The following EXT1 variants were observed in gnomAD, a reference collection of about 807,000 sequenced individuals.
EXT1 encodes exostosin-1.
Under a neutral mutation model 82.5 loss-of-function variants are expected in EXT1, and 20 were observed. That is an observed-to-expected ratio of 0.24 (90% confidence interval 0.17 to 0.35). The LOEUF (loss-of-function observed/expected upper bound fraction) is 0.35, where lower values mean the gene tolerates loss of function less well. EXT1 is among the 10% of genes least tolerant of loss of function. The pLI, the probability that EXT1 is intolerant of heterozygous loss-of-function variation, is 1.00. For synonymous variants in EXT1, 348 were observed against 350.8 expected (o/e 0.99, Z 0.09); for missense variants, 757 against 936.5 (o/e 0.81, Z 2.50).
At chr8:118,108,467 TGTC>T (rs1218670027) in intron 1 of EXT1, among the ~76,000 whole-genome samples, 1 of 152,214 alleles carries the variant, frequency 6.6e-6, no homozygotes, top group Non-Finnish European at 1.5e-5. Flanking sequence ...TCAATGTAAA[TGTC>T]GTATAAACAA....
chr8:118,018,719 T>C (rs1816047751), intron 1 of EXT1, among the ~76,000 whole-genome samples: 2 of 152,170 alleles, frequency 1.3e-5, no homozygotes, highest in Admixed American at 6.5e-5. Flanking sequence ...GGATGTTTGA[T>C]TTACAACAGT....
chr8:117,822,334 G>C (rs1811937894), intron 5 of EXT1, 131 bp downstream of exon 5: 1 of 1,023,148 alleles, frequency 9.8e-7, no homozygotes. Flanking sequence ...CTTATAACAA[G>C]GCTCTAGAAA....
At chr8:117,883,742 T>G (rs985565607) in intron 1 of EXT1, among the ~76,000 whole-genome samples, 4 of 152,236 alleles carry the variant, frequency 2.6e-5, no homozygotes, top group Admixed American at 6.5e-5. Flanking sequence ...TAGGGAACTA[T>G]GCAAGCAGCT....
chr8:118,059,817 T>C (rs1816855007), intron 1 of EXT1, among the ~76,000 whole-genome samples: 1 of 152,252 alleles, frequency 6.6e-6, no homozygotes, highest in Non-Finnish European at 1.5e-5. Context: ...TGTGTTTCTT[T>C]GACTGACAGC....
rs137894512 is a variant in EXT1 at position 117,819,644 on chromosome 8, G to T, written c.1536+32C>A. On this transcript the variant is annotated intron_variant, in intron 6 of 10. Transcript: ENST00000378204. The stretch of plus-strand genomic sequence containing the variant: ...GAGTCTCTGGTCTGGAGCTGGAGCA[G>T]GCAGGGGCTTCTCTGTCAACTTCCC... 2.5e-6 allele frequency: 4 copies of T among 1,584,008 alleles called. No homozygotes were observed. In the African/African-American group the frequency reaches 5.4e-5, roughly 21 times the overall value.
chr8:118,009,617 G>A (rs927304365), intron 1 of EXT1, among the ~76,000 whole-genome samples: 10 of 152,216 alleles, frequency 6.6e-5, no homozygotes, highest in Admixed American at 2.0e-4. Context: ...AGCAGGAAGC[G>A]AGTGACAGGC....
intron 1 of EXT1, among the ~76,000 whole-genome samples, chr8:118,099,773 A>AGTTGCT (rs1175414154): frequency 3.9e-5 from 6 of 152,340 alleles, no homozygotes; most frequent in Non-Finnish European, 8.8e-5. Context: ...CTTAGATATG[A>AGTTGCT]GTTGCTGTTG....
chr8:118,052,915 G>A (rs1451131948), intron 1 of EXT1, among the ~76,000 whole-genome samples: 1 of 152,178 alleles, frequency 6.6e-6, no homozygotes, highest in Non-Finnish European at 1.5e-5. Flanking sequence ...GAAGAATTTA[G>A]GAGACAATCC....
At chr8:117,822,688 A>G (rs1263612082) in intron 4 of EXT1, 91 bp from the exon 5 acceptor site, 2 of 1,448,996 alleles carry the variant, frequency 1.4e-6, no homozygotes, top group African/African-American at 2.8e-5. Context: ...AGATGGTGGC[A>G]GTCAGAGTAG....
chr8:117,852,461 G>A (rs576534380), intron 1 of EXT1, among the ~76,000 whole-genome samples: 2 of 152,272 alleles, frequency 1.3e-5, no homozygotes, highest in African/African-American at 4.8e-5. Context: ...TGATAGAACA[G>A]GTGAGAAATA....
intron 1 of EXT1, among the ~76,000 whole-genome samples, chr8:117,965,762 T>C (rs1481977320): frequency 6.6e-6 from 1 of 152,194 alleles, no homozygotes; most frequent in Non-Finnish European, 1.5e-5. Flanking sequence ...AGCTACTTTC[T>C]TAGAATTAGA....
intron 1 of EXT1, among the ~76,000 whole-genome samples, chr8:117,856,673 C>T (rs1247667297): frequency 6.6e-6 from 1 of 152,012 alleles, no homozygotes; most frequent in Non-Finnish European, 1.5e-5. Flanking sequence ...AAGCCATTTC[C>T]ATATCATAAT....
intron 7 of EXT1, among the ~76,000 whole-genome samples, chr8:117,817,797 C>T (rs7000499): frequency 0.79 from 119,648 of 152,110 alleles, 47,427 homozygotes; most frequent in Admixed American, 0.87. Flanking sequence ...GGCCAGGTTA[C>T]ACATGGCCTC....
At chr8:117,985,496 G>C (rs889587296) in intron 1 of EXT1, among the ~76,000 whole-genome samples, 2 of 152,132 alleles carry the variant, frequency 1.3e-5, no homozygotes, top group African/African-American at 4.8e-5. Context: ...AGAGTTCCTA[G>C]TGTGGCAAAA....
intron 4 of EXT1, among the ~76,000 whole-genome samples, chr8:117,824,549 C>T (rs565147602): frequency 1.3e-5 from 2 of 152,262 alleles, no homozygotes; most frequent in South Asian, 4.2e-4. Flanking sequence ...TAAAATACCA[C>T]ATTAATTATA....
chr8:117,905,512 T>C (rs1813526590), intron 1 of EXT1, among the ~76,000 whole-genome samples: 1 of 151,582 alleles, frequency 6.6e-6, no homozygotes, highest in Non-Finnish European at 1.5e-5. Context: ...AGCGAGACTG[T>C]CTCAAAAAAA....
At chr8:118,006,886 T>C (rs1344495519) in intron 1 of EXT1, among the ~76,000 whole-genome samples, 2 of 152,224 alleles carry the variant, frequency 1.3e-5, no homozygotes, top group African/African-American at 4.8e-5. Context: ...CGTGGCCATG[T>C]AGAAATGCAA....
chr8:117,940,194 G>A (rs1388999307), intron 1 of EXT1, among the ~76,000 whole-genome samples: 1 of 152,210 alleles, frequency 6.6e-6, no homozygotes, highest in East Asian at 1.9e-4. Flanking sequence ...CTACCCTAGG[G>A]CCCAGCCCAT....
At chr8:117,935,110 A>G (rs77840967) in intron 1 of EXT1, among the ~76,000 whole-genome samples, 1,986 of 152,234 alleles carry the variant, frequency 0.013, 37 homozygotes, top group East Asian at 0.042. Context: ...GGACATATAC[A>G]TCTCCTAGGA....
Sources: gnomAD v4.1 joint callset for allele counts (sites outside exome capture counted in the v4.1 genomes callset) on GRCh38, gnomAD v4.1.1 for gene constraint, MANE v1.5 for transcripts, NCBI Gene and HGNC (gene_info 2026-07-23, HGNC 2026-07-21) for gene names.